The following ENG variants were observed in gnomAD, a reference collection of about 807,000 sequenced individuals.
ENG encodes the protein endoglin.
A neutral mutation model predicts 71.0 loss-of-function variants in ENG; 17 were observed. That is an observed-to-expected ratio of 0.24 (90% CI 0.16 to 0.36). The LOEUF is 0.36. ENG is among the 10% of genes least tolerant of loss of function. The pLI is 1.00. For missense variants in ENG, 749 were observed against 868.3 expected, an observed-to-expected ratio of 0.86 and a Z score of 1.73; for synonymous variants, 360 against 366.9, an observed-to-expected ratio of 0.98 and a Z score of 0.21.
chr9:127,835,981 G>C (rs899545114), intron 2 of ENG, among the ~76,000 whole-genome samples: 1 of 152,154 alleles, frequency 6.6e-6, no homozygotes, highest in East Asian at 1.9e-4. Flanking sequence ...GGGAAACTCA[G>C]GGGGGCTGGA....
rs747175535 is a variant in ENG, at chr9:127,826,629, G to T, written c.404C>A (p.Thr135Asn). 4 of 1,613,984 alleles carry T rather than the reference G, an allele frequency of 2.5e-6. No homozygotes were observed. Among genetic ancestry groups the T allele is most frequent in the African/African-American group, 2.7e-5 (2 of 74,908 alleles). Reference sequence around the variant, plus strand: ...CTTGGGGAAGGATGGCAGCTCTGTGGTGTTGACCCCCGGGGGCTCTTGGAA... The same window carrying T: ...CTTGGGGAAGGATGGCAGCTCTGTGTTGTTGACCCCCGGGGGCTCTTGGAA... ...VTFQEPPGVN[T>N]TELPSFPKTQ... Residue 135 changes from threonine to asparagine, a missense_variant, in exon 4 of 15, where the codon ACC (threonine) becomes AAC (asparagine). Transcript: ENST00000373203.
intron 12 of ENG, 179 bp from the exon 13 acceptor site, chr9:127,817,382 G>T (rs1042269170): frequency 8.6e-5 from 59 of 689,432 alleles, no homozygotes; most frequent in Non-Finnish European, 1.4e-4. Context: ...AGGGTGCCTA[G>T]TGGACGATCC....
intron 7 of ENG, 129 bp downstream of exon 7, chr9:127,824,671 G>T: frequency 8.5e-7 from 1 of 1,175,560 alleles, no homozygotes; most frequent in Non-Finnish European, 1.2e-6. Flanking sequence ...CCCATGTGCA[G>T]ATGAGAAAAA....
At chr9:127,851,220 TC>T (rs1006401667) in intron 1 of ENG, among the ~76,000 whole-genome samples, 5 of 152,040 alleles carry the variant, frequency 3.3e-5, no homozygotes, top group Non-Finnish European at 7.4e-5. Context: ...ACATGCTTGT[TC>T]TTTTTTTTTC....
At chr9:127,847,647 G>A (rs1032703118) in intron 1 of ENG, among the ~76,000 whole-genome samples, 12 of 151,930 alleles carry the variant, frequency 7.9e-5, no homozygotes, top group South Asian at 2.1e-4. Context: ...ACGGGGTTTC[G>A]CCGTATTGCG....
intron 1 of ENG, among the ~76,000 whole-genome samples, chr9:127,847,646 C>T (rs180969125): frequency 1.5e-4 from 23 of 152,232 alleles, no homozygotes; most frequent in Non-Finnish European, 3.1e-4. Context: ...GACGGGGTTT[C>T]GCCGTATTGC....
At chr9:127,842,281 C>T (rs1831054382) in intron 2 of ENG, among the ~76,000 whole-genome samples, 2 of 148,220 alleles carry the variant, frequency 1.3e-5, no homozygotes, top group African/African-American at 5.0e-5. Context: ...GGCTGGAGTG[C>T]AGTGGTGCAA....
chr9:127,817,363 T>C (rs1830350468), intron 12 of ENG, 160 bp from the exon 13 acceptor site: 1 of 750,590 alleles, frequency 1.3e-6, no homozygotes, highest in African/African-American at 1.7e-5. Flanking sequence ...GGAAGATCTG[T>C]GCTGTGGGAG....
Position 127,819,657 on chromosome 9 carries a change from C to G in ENG, c.1276G>C (p.Val426Leu). 6.2e-7 allele frequency: 1 copy of G among 1,610,086 alleles called. No individual in the cohort carries two copies. The highest frequency in any genetic ancestry group is 8.5e-7 in the Non-Finnish European group (1 of 1,178,254). The change falls in exon 10 of 15, where the codon GTG becomes CTG. Residue 426 changes from valine (V) to leucine (L), a missense_variant. Coordinates refer to ENST00000373203, the MANE Select transcript of ENG (RefSeq NM_001114753.3). Reference protein sequence around the residue: ...VSASMISNEAVVNILSSSSPQ... With the variant: ...VSASMISNEALVNILSSSSPQ... ...GATGAGCTCGACAGGATATTGACCACCGCCTGCGGGGATAAAGCCAGGGAG... is the reference window on the plus strand; with the variant it reads ...GATGAGCTCGACAGGATATTGACCAGCGCCTGCGGGGATAAAGCCAGGGAG...
chr9:127,845,780 C>T (rs559773626), intron 1 of ENG, among the ~76,000 whole-genome samples: 98 of 152,330 alleles, frequency 6.4e-4, no homozygotes, highest in African/African-American at 2.3e-3. Flanking sequence ...GATAACAGCT[C>T]ACTGCAGCCT....
At chr9:127,845,763 G>C (rs1447885510) in intron 1 of ENG, among the ~76,000 whole-genome samples, 2 of 152,220 alleles carry the variant, frequency 1.3e-5, no homozygotes, top group Admixed American at 6.5e-5. Flanking sequence ...CTGGAGTGCA[G>C]TGGTGTGATA....
intron 10 of ENG, 97 bp downstream of exon 10, chr9:127,819,525 A>G: frequency 6.5e-7 from 1 of 1,545,948 alleles, no homozygotes; most frequent in South Asian, 1.1e-5. Context: ...GCTTGCCAGG[A>G]GTTTCCCGAG....
intron 3 of ENG, 135 bp downstream of exon 3, chr9:127,829,552 C>G: frequency 8.0e-7 from 1 of 1,244,910 alleles, no homozygotes; most frequent in East Asian, 2.6e-5. Flanking sequence ...AGGCAGGACC[C>G]TGGTGAATAA....
intron 13 of ENG, chr9:127,816,735 G>A (rs533516666): frequency 6.5e-6 from 2 of 306,310 alleles, no homozygotes; most frequent in South Asian, 6.4e-5. Context: ...CTGGGCCTGG[G>A]GGGAACTGAT....
chr9:127,840,624 G>A (rs1041361878), intron 2 of ENG, among the ~76,000 whole-genome samples: 1 of 152,218 alleles, frequency 6.6e-6, no homozygotes, highest in African/African-American at 2.4e-5. Context: ...AGAAAGGTGT[G>A]TCTACCAGCA....
chr9:127,830,930 T>C (rs546073158), intron 2 of ENG, among the ~76,000 whole-genome samples: 2 of 152,248 alleles, frequency 1.3e-5, no homozygotes, highest in African/African-American at 2.4e-5. Flanking sequence ...TTTGGTATAA[T>C]GCCATTATTT....
chr9:127,852,370 C>T (rs1285592173), intron 1 of ENG, among the ~76,000 whole-genome samples: 1 of 152,140 alleles, frequency 6.6e-6, no homozygotes, highest in Non-Finnish European at 1.5e-5. Context: ...TCACTCCGAC[C>T]CCTACCCCCA....
intron 3 of ENG, 146 bp downstream of exon 3, chr9:127,829,541 C>G: frequency 8.7e-7 from 1 of 1,149,196 alleles, no homozygotes; most frequent in Non-Finnish European, 1.2e-6. Flanking sequence ...TTGGCTTCAC[C>G]AGGCAGGACC....
intron 2 of ENG, among the ~76,000 whole-genome samples, chr9:127,837,473 G>A (rs1049718880): frequency 6.6e-6 from 1 of 152,124 alleles, no homozygotes; most frequent in African/African-American, 2.4e-5. Context: ...CCTTTCTGGT[G>A]GTCAGCCCAC....
Sources: gnomAD v4.1 joint callset for allele counts (sites outside exome capture counted in the v4.1 genomes callset) on GRCh38, gnomAD v4.1.1 for gene constraint, MANE v1.5 for transcripts, NCBI Gene and HGNC (gene_info 2026-07-23, HGNC 2026-07-21) for gene names.